Variants in EXD1 observed in about 807,000 individuals in gnomAD.
The protein encoded by EXD1 is piRNA biogenesis protein EXD1.
In EXD1, 63 loss-of-function variants were observed where a neutral mutation model predicts 49.1. The ratio of observed to expected loss-of-function variants is 1.28; its 90% CI spans 1.05 to 1.58. The LOEUF is 1.58. EXD1 is among the 40% of genes most tolerant of loss of function. The probability of loss-of-function intolerance (pLI) is 0.00; values close to 1 mark genes in which losing one functional copy is unlikely to be tolerated. For synonymous variants in EXD1, 234 were observed against 239.2 expected (o/e 0.98, Z 0.20); for missense variants, 748 against 666.0 (o/e 1.12, Z -1.36).
At chr15:41,186,131 A>T (rs1217818495) in intron 11 of EXD1, among the ~76,000 whole-genome samples, 2 of 152,058 alleles carry the variant, frequency 1.3e-5, no homozygotes, top group African/African-American at 4.8e-5. Flanking sequence ...CTCTCTTGAG[A>T]TACTTTCCAT....
At chr15:41,206,837 G>A (rs1432866709) in intron 7 of EXD1, among the ~76,000 whole-genome samples, 2 of 140,510 alleles carry the variant, frequency 1.4e-5, no homozygotes, top group Admixed American at 7.6e-5. Flanking sequence ...GGCCAGGCTA[G>A]TCTCAAACCC....
At position 41,217,051 on chromosome 15, in the gene EXD1, T is replaced by G. The variant is rs112142481; in HGVS notation, c.260+46A>C. 5.8e-5 allele frequency: 90 copies of G among 1,545,588 alleles called. 1 individual carries two copies. The African/African-American group carries it at 9.6e-4, about 16-fold the overall frequency. On this transcript the variant is annotated intron_variant, in intron 4 of 11. Coordinates refer to ENST00000458580, the MANE Select transcript of EXD1 (RefSeq NM_001286441.2). ...AGAGTTAAGGCTTTCTACCCTAATG[T>G]GCACATTTGGAAAATATCATAATTA...
At chr15:41,191,689 G>A (rs1595426806) in intron 9 of EXD1, 104 bp from the exon 10 acceptor site, 1 of 1,100,860 alleles carries the variant, frequency 9.1e-7, no homozygotes, top group East Asian at 2.5e-5. Context: ...TTTTCCCCAA[G>A]GACCCACACG....
chr15:41,216,882 A>G, intron 4 of EXD1, 87 bp from the exon 5 acceptor site: 1 of 1,561,506 alleles, frequency 6.4e-7, no homozygotes, highest in East Asian at 2.2e-5. Context: ...AACGTTAAGG[A>G]CAGTGGTCCT....
intron 2 of EXD1, among the ~76,000 whole-genome samples, chr15:41,222,934 C>CAAAA (rs562493256): frequency 1.0e-5 from 1 of 100,160 alleles, no homozygotes; most frequent in East Asian, 3.1e-4. Context: ...GACTCTGTCT[C>CAAAA]AAAAAAAAAA....
At chr15:41,213,390 C>T (rs1485362675) in intron 6 of EXD1, among the ~76,000 whole-genome samples, 2 of 151,830 alleles carry the variant, frequency 1.3e-5, no homozygotes, top group Non-Finnish European at 2.9e-5. Context: ...TTAGTAGAGA[C>T]GGTGTTCACC....
chr15:41,203,173 G>T (rs943057938), intron 7 of EXD1, among the ~76,000 whole-genome samples: 2 of 152,126 alleles, frequency 1.3e-5, no homozygotes, highest in African/African-American at 2.4e-5. Flanking sequence ...AATTAAAGGT[G>T]CCAGATACTA....
rs146563415 is a variant in EXD1 at position 41,209,447 on chromosome 15, C to G, written c.534+54G>C. The stretch of plus-strand genomic sequence containing the variant: ...TTCAAAAAGAAGGAAAGAAAAAAAT[C>G]TACCAGTGGCTCTATAATTACTTCA... On this transcript the variant is annotated intron_variant, in intron 7 of 11. Coordinates refer to ENST00000458580, the MANE Select transcript of EXD1 (RefSeq NM_001286441.2). 5.0e-5 allele frequency: 75 copies of G among 1,498,692 alleles called. 1 individual carries two copies. The African/African-American group carries it at 8.8e-4, about 18-fold the overall frequency. The allele number at this position is 1,498,692 out of a possible 1,614,324, so 92.8% of individuals were successfully genotyped here. A position where few individuals can be genotyped will look rare whatever the true frequency, so the allele number is the denominator to read the frequency against.
chr15:41,196,003 A>G lies in EXD1; in HGVS notation c.569T>C (p.Ile190Thr), dbSNP rs770762108. 2 of 1,613,398 alleles carry G rather than the reference A, an allele frequency of 1.2e-6. No individual in the cohort carries two copies. The highest frequency in any genetic ancestry group is 2.2e-5 in the East Asian group (1 of 44,870). ...GAAAGCTCGACTTCCCAGAAGGAAA[A>G]TGTCAAATAAGTAAACTCGGCAATT... ...ATNCRVYLFDIFLLGSRAFHN... is the reference protein window; with the variant it reads ...ATNCRVYLFDTFLLGSRAFHN... The change falls in exon 8 of 12, where the codon ATT (isoleucine) becomes ACT (threonine). Residue 190 changes from isoleucine (I) to threonine (T), a missense_variant. Ile to Thr is a moderately conservative substitution (Grantham distance 89). Transcript: ENST00000458580.
At chr15:41,189,850 A>G (rs2046477167) in intron 11 of EXD1, 87 bp downstream of exon 11, 1 of 1,338,852 alleles carries the variant, frequency 7.5e-7, no homozygotes. Context: ...CATGAAAACT[A>G]TCGCAGCTAT....
rs1381443491 is a variant in EXD1 at position 41,209,505 on chromosome 15, A to G, written c.530T>C (p.Leu177Pro). ...AAGTTTTCAAAAATCTTTCACCTGC[A>G]GCCAGCACAGTTTGCCATGGCGACA... is the stretch of plus-strand genomic sequence containing the variant. Reference protein sequence around the residue: ...NVCRHGKLCWLQVATNCRVYL... With the variant: ...NVCRHGKLCWPQVATNCRVYL... Residue 177 changes from leucine (L) to proline (P), a missense_variant, in exon 7 of 12, where the codon CTG becomes CCG. By Grantham distance (98) the Leu-to-Pro change is moderately conservative (BLOSUM62 -3). Transcript: ENST00000458580. 1 of 1,613,914 alleles carries G rather than the reference A, an allele frequency of 6.2e-7. No homozygotes were observed. The highest frequency in any genetic ancestry group is 2.2e-5 in the East Asian group (1 of 44,882).
At chr15:41,228,993 G>C (rs2047198838) in intron 1 of EXD1, among the ~76,000 whole-genome samples, 1 of 152,174 alleles carries the variant, frequency 6.6e-6, no homozygotes, top group Non-Finnish European at 1.5e-5. Context: ...AGTAAGGTCA[G>C]CATCAAGAGA....
chr15:41,217,050 G>GTGCA (rs1595455157), intron 4 of EXD1, 47 bp downstream of exon 4: 1 of 1,538,786 alleles, frequency 6.5e-7, no homozygotes, highest in African/African-American at 1.4e-5. Flanking sequence ...CTACCCTAAT[G>GTGCA]TGCACATTTG....
chr15:41,208,595 A>C (rs1177300040), intron 7 of EXD1, among the ~76,000 whole-genome samples: 1 of 151,766 alleles, frequency 6.6e-6, no homozygotes, highest in Non-Finnish European at 1.5e-5. Flanking sequence ...TCTACTAAAA[A>C]CACAAAATTA....
intron 7 of EXD1, among the ~76,000 whole-genome samples, chr15:41,199,747 T>TCA (rs558589077): frequency 6.0e-5 from 6 of 99,762 alleles, no homozygotes; most frequent in African/African-American, 1.6e-4. Context: ...ATGTCATATA[T>TCA]TATATATGAT....
At chr15:41,208,071 G>C (rs2046861860) in intron 7 of EXD1, among the ~76,000 whole-genome samples, 1 of 151,486 alleles carries the variant, frequency 6.6e-6, no homozygotes, top group Non-Finnish European at 1.5e-5. Flanking sequence ...ACAACTGCAT[G>C]TTCCTCTGAT....
chr15:41,207,881 C>T (rs1345549618), intron 7 of EXD1, among the ~76,000 whole-genome samples: 1 of 151,736 alleles, frequency 6.6e-6, no homozygotes, highest in Non-Finnish European at 1.5e-5. Flanking sequence ...CATGTTGGCT[C>T]ATGCCTGTAA....
At chr15:41,206,778 C>T (rs1423883429) in intron 7 of EXD1, among the ~76,000 whole-genome samples, 2 of 150,058 alleles carry the variant, frequency 1.3e-5, no homozygotes, top group Non-Finnish European at 3.0e-5. Context: ...TGCGCCACCA[C>T]GCCTGGCTAA....
chr15:41,182,944 A>T lies in EXD1; in HGVS notation c.*987T>A, dbSNP rs151075221. Reference sequence around the variant, plus strand: ...AGAAACCCAGGGTCCCTGCTTTGTTAGGAAAATGGACAAAACCAGCTAAAA... The same window carrying T: ...AGAAACCCAGGGTCCCTGCTTTGTTTGGAAAATGGACAAAACCAGCTAAAA... On this transcript the variant is annotated 3_prime_UTR_variant, in exon 12 of 12. Coordinates refer to ENST00000458580, the MANE Select transcript of EXD1 (RefSeq NM_001286441.2). 1.1e-3 allele frequency: 164 copies of T among 152,326 alleles called. No individual in the cohort carries two copies. The highest frequency in any genetic ancestry group is 3.6e-3 in the African/African-American group (149 of 41,590). 9.4% of individuals were successfully genotyped at this position (152,326 alleles called of 1,614,324 possible).
Sources: gnomAD v4.1 joint callset for allele counts (sites outside exome capture counted in the v4.1 genomes callset) on GRCh38, gnomAD v4.1.1 for gene constraint, MANE v1.5 for transcripts, NCBI Gene and HGNC (gene_info 2026-07-23, HGNC 2026-07-21) for gene names.